The following RASGRP3 variants were observed in gnomAD, a reference collection of about 807,000 sequenced individuals.
The protein encoded by RASGRP3 is RAS guanyl releasing protein 3.
A neutral mutation model predicts 82.7 loss-of-function variants in RASGRP3; 54 were observed. The observed-to-expected ratio is 0.65, with a 90% CI of 0.52 to 0.82. The LOEUF (loss-of-function observed/expected upper bound fraction) is 0.82. Among genes scored for constraint, RASGRP3 ranks in the 40% least tolerant of loss-of-function variants. RASGRP3 has a pLI of 0.00. For synonymous variants in RASGRP3, 309 were observed against 300.5 expected, an observed-to-expected ratio of 1.03 and a Z score of -0.29; for missense variants, 861 against 828.9, an observed-to-expected ratio of 1.04 and a Z score of -0.48.
chr2:33,543,046 C>T (rs935358625), intron 12 of RASGRP3, among the ~76,000 whole-genome samples: 4 of 151,980 alleles, frequency 2.6e-5, no homozygotes, highest in African/African-American at 9.7e-5. Flanking sequence ...TGATGCCTTA[C>T]TCGTTTGCCC....
intron 17 of RASGRP3, among the ~76,000 whole-genome samples, chr2:33,562,414 T>C (rs886834277): frequency 6.6e-6 from 1 of 151,988 alleles, no homozygotes; most frequent in Non-Finnish European, 1.5e-5. Context: ...ACTGCAGGCA[T>C]ATGCCACCAT....
intron 1 of RASGRP3, among the ~76,000 whole-genome samples, chr2:33,500,448 A>C (rs2150978623): frequency 6.6e-6 from 1 of 152,076 alleles, no homozygotes; most frequent in Non-Finnish European, 1.5e-5. Context: ...AACCCAGGAG[A>C]GGCGGTGGAG....
intron 1 of RASGRP3, among the ~76,000 whole-genome samples, chr2:33,497,856 A>C (rs1439983685): frequency 6.6e-6 from 1 of 152,228 alleles, no homozygotes; most frequent in Non-Finnish European, 1.5e-5. Context: ...ACAGAGTAAG[A>C]AGCATATTAT....
At chr2:33,437,712 G>A (rs1226728995) in intron 1 of RASGRP3, among the ~76,000 whole-genome samples, 1 of 152,086 alleles carries the variant, frequency 6.6e-6, no homozygotes, top group African/African-American at 2.4e-5. Context: ...TCTTTCCTGG[G>A]AGAATTTAAG....
intron 2 of RASGRP3, among the ~76,000 whole-genome samples, chr2:33,451,292 C>T (rs1020854555): frequency 1.3e-5 from 2 of 152,112 alleles, no homozygotes; most frequent in African/African-American, 4.8e-5. Flanking sequence ...GAGTTCCTTA[C>T]ATATTTTGGA....
At chr2:33,449,571 C>G (rs1245143791) in intron 2 of RASGRP3, among the ~76,000 whole-genome samples, 1 of 152,082 alleles carries the variant, frequency 6.6e-6, no homozygotes. Flanking sequence ...ACCATTGTGG[C>G]CAACATGGTG....
chr2:33,439,798 G>A (rs1020967101), intron 1 of RASGRP3, among the ~76,000 whole-genome samples: 9 of 152,026 alleles, frequency 5.9e-5, no homozygotes, highest in African/African-American at 2.2e-4. Context: ...GGTGAACTAA[G>A]GAGTCAAGAA....
intron 1 of RASGRP3, among the ~76,000 whole-genome samples, chr2:33,500,110 A>G (rs1365913422): frequency 6.6e-6 from 1 of 152,192 alleles, no homozygotes; most frequent in Non-Finnish European, 1.5e-5. Context: ...CAAAAAAATA[A>G]AGAAACAATG....
At chr2:33,534,428 A>G in intron 11 of RASGRP3, 28 bp downstream of exon 11, 1 of 1,434,012 alleles carries the variant, frequency 7.0e-7, no homozygotes, top group Middle Eastern at 1.7e-4. Flanking sequence ...TCCAAGGATC[A>G]GTACCAATCA....
At chr2:33,496,497 T>C (rs555245834) in intron 1 of RASGRP3, among the ~76,000 whole-genome samples, 1 of 152,348 alleles carries the variant, frequency 6.6e-6, no homozygotes, top group South Asian at 2.1e-4. Flanking sequence ...AGGGCCTATG[T>C]TACAACAAAG....
chr2:33,514,980 T>C (rs1671306940), intron 2 of RASGRP3, 30 bp from the exon 3 acceptor site: 3 of 666,742 alleles, frequency 4.5e-6, no homozygotes, highest in Admixed American at 2.7e-5. Context: ...TCTAGTCTAA[T>C]AACTTTCTCT....
chr2:33,454,754 C>A (rs1665955619), intron 2 of RASGRP3, among the ~76,000 whole-genome samples: 1 of 152,148 alleles, frequency 6.6e-6, no homozygotes, highest in South Asian at 2.1e-4. Flanking sequence ...AGACATATTA[C>A]ACTTGAAACT....
At chr2:33,456,077 C>T (rs905372350) in intron 2 of RASGRP3, among the ~76,000 whole-genome samples, 3 of 152,176 alleles carry the variant, frequency 2.0e-5, no homozygotes, top group South Asian at 2.1e-4. Context: ...CTCTTCCCAC[C>T]AAAGTTACTT....
rs1675188199 is a variant in RASGRP3 at position 33,549,701 on chromosome 2, CAGG to C, written c.1495_1497del (p.Glu499del). ...GGGACCAGGATTTATCCATAATTTT[CAGG>C]AGATGACCTATCTCAAGCCAACCTT... is the stretch of plus-strand genomic sequence containing the variant. On this transcript the variant is annotated inframe_deletion, in exon 14 of 18. Transcript: ENST00000403687. 1 of 1,613,856 alleles carries C rather than the reference CAGG, an allele frequency of 6.2e-7. No individual in the cohort carries two copies.
chr2:33,464,478 T>TA (rs869137733), intron 2 of RASGRP3, among the ~76,000 whole-genome samples: 98 of 134,092 alleles, frequency 7.3e-4, no homozygotes, highest in Non-Finnish European at 1.0e-3. Flanking sequence ...GATCTTTTTT[T>TA]AAAAAAAAAA....
chr2:33,552,624 T>G (rs893186387), intron 14 of RASGRP3, among the ~76,000 whole-genome samples: 2 of 152,224 alleles, frequency 1.3e-5, no homozygotes, highest in Non-Finnish European at 2.9e-5. Flanking sequence ...ATGGTTCCAG[T>G]GCCGGAACCA....
At chr2:33,535,898 G>A (rs1673556772) in intron 11 of RASGRP3, among the ~76,000 whole-genome samples, 1 of 152,150 alleles carries the variant, frequency 6.6e-6, no homozygotes, top group African/African-American at 2.4e-5. Flanking sequence ...TATTGTATGT[G>A]TGCATACAGA....
intron 12 of RASGRP3, among the ~76,000 whole-genome samples, chr2:33,541,887 A>G (rs556069113): frequency 2.0e-5 from 3 of 147,610 alleles, no homozygotes; most frequent in African/African-American, 4.8e-5. Flanking sequence ...ATGAAACATG[A>G]AAAATATTTT....
intron 1 of RASGRP3, among the ~76,000 whole-genome samples, chr2:33,488,669 G>A (rs115335114): frequency 0.015 from 2,314 of 152,190 alleles, 58 homozygotes; most frequent in African/African-American, 0.053. Flanking sequence ...TAAAACAAGG[G>A]CCAAAATCCA....
Sources: gnomAD v4.1 joint callset for allele counts (sites outside exome capture counted in the v4.1 genomes callset) on GRCh38, gnomAD v4.1.1 for gene constraint, MANE v1.5 for transcripts, NCBI Gene and HGNC (gene_info 2026-07-23, HGNC 2026-07-21) for gene names.